The following ATF7IP variants were observed in gnomAD, a reference collection of about 807,000 sequenced individuals.
The protein encoded by ATF7IP is activating transcription factor 7-interacting protein 1.
In ATF7IP, 23 loss-of-function variants were observed where a neutral mutation model predicts 106.4. The observed-to-expected ratio is 0.22, with a 90% CI of 0.16 to 0.31. The LOEUF (loss-of-function observed/expected upper bound fraction) is 0.31. Among genes scored for constraint, ATF7IP ranks in the 10% least tolerant of loss-of-function variants. ATF7IP has a pLI of 1.00. For missense variants in ATF7IP, 1,334 were observed against 1,524.3 expected, an observed-to-expected ratio of 0.88 and a Z score of 2.08; for synonymous variants, 542 against 539.0, an observed-to-expected ratio of 1.01 and a Z score of -0.08.
chr12:14,491,268 G>C (rs1228729782), intron 13 of ATF7IP, among the ~76,000 whole-genome samples: 1 of 152,178 alleles, frequency 6.6e-6, no homozygotes, highest in African/African-American at 2.4e-5. Context: ...CCCACATGAG[G>C]AATGTGTTGC....
At chr12:14,438,338 T>G (rs1942514747) in intron 5 of ATF7IP, 71 bp downstream of exon 5, 1 of 1,320,668 alleles carries the variant, frequency 7.6e-7, no homozygotes, top group Non-Finnish European at 1.0e-6. Context: ...GAGATATATA[T>G]TTGAGATTAA....
chr12:14,373,872 GA>G (rs1332458941), intron 1 of ATF7IP, among the ~76,000 whole-genome samples: 1 of 151,806 alleles, frequency 6.6e-6, no homozygotes, highest in African/African-American at 2.4e-5. Flanking sequence ...GCTTGCCGTT[GA>G]AAACATTATG....
At chr12:14,473,949 T>C (rs1411275837) in intron 10 of ATF7IP, among the ~76,000 whole-genome samples, 2 of 152,072 alleles carry the variant, frequency 1.3e-5, no homozygotes, top group African/African-American at 4.8e-5. Flanking sequence ...AAATTTTTCA[T>C]TATTGGTTTT....
At chr12:14,421,652 T>C (rs1413700737) in intron 1 of ATF7IP, among the ~76,000 whole-genome samples, 1 of 152,182 alleles carries the variant, frequency 6.6e-6, no homozygotes, top group Non-Finnish European at 1.5e-5. Flanking sequence ...AAAGGCCCTA[T>C]CCGAATAAGG....
intron 11 of ATF7IP, among the ~76,000 whole-genome samples, chr12:14,477,739 T>A (rs1944306728): frequency 1.3e-5 from 2 of 152,212 alleles, no homozygotes; most frequent in Non-Finnish European, 2.9e-5. Context: ...TTATTTTGGA[T>A]AGAAGGACTT....
intron 14 of ATF7IP, 61 bp from the exon 15 acceptor site, chr12:14,497,593 C>A: frequency 6.7e-7 from 1 of 1,481,602 alleles, no homozygotes. Flanking sequence ...TGTTTTAATT[C>A]TAACATTCTA....
chr12:14,380,685 A>G (rs1433953390), intron 1 of ATF7IP, among the ~76,000 whole-genome samples: 1 of 152,188 alleles, frequency 6.6e-6, no homozygotes, highest in Non-Finnish European at 1.5e-5. Context: ...CACTGGCACA[A>G]TCTTGGCTCA....
chr12:14,483,462 G>A (rs2136822051), intron 13 of ATF7IP, among the ~76,000 whole-genome samples: 1 of 152,256 alleles, frequency 6.6e-6, no homozygotes, highest in South Asian at 2.1e-4. Flanking sequence ...AAGTGTCCAG[G>A]TGGCAATCTT....
chr12:14,478,254 G>T, intron 11 of ATF7IP, 63 bp from the exon 12 acceptor site: 2 of 1,538,974 alleles, frequency 1.3e-6, no homozygotes, highest in Non-Finnish European at 1.8e-6. Flanking sequence ...TGTCCATAGA[G>T]GAAAGACTTG....
intron 1 of ATF7IP, among the ~76,000 whole-genome samples, chr12:14,378,571 G>A (rs1367639872): frequency 6.6e-6 from 1 of 152,208 alleles, no homozygotes; most frequent in Non-Finnish European, 1.5e-5. Flanking sequence ...GATAGATTGA[G>A]ATGAAAGTAT....
chr12:14,499,651 A>G lies in ATF7IP; in HGVS notation c.*1578A>G, dbSNP rs1479317686. On this transcript the variant is annotated 3_prime_UTR_variant, in exon 15 of 15. Coordinates refer to ENST00000261168, the MANE Select transcript of ATF7IP (RefSeq NM_018179.5). ...CTGATGTACCCATTGTTAGCTTTGG[A>G]TAGAATTTAAAGTATATCCCAGAAT... 6.6e-6 allele frequency: 1 copy of G among 151,960 alleles called. No individual in the cohort carries two copies. Among genetic ancestry groups the G allele is most frequent in the Non-Finnish European group, 1.5e-5 (1 of 68,008 alleles). 9.4% of individuals were successfully genotyped at this position (151,960 alleles called of 1,614,324 possible).
intron 1 of ATF7IP, among the ~76,000 whole-genome samples, chr12:14,373,779 T>C (rs1165362203): frequency 6.6e-6 from 1 of 152,110 alleles, no homozygotes; most frequent in Non-Finnish European, 1.5e-5. Context: ...GAAATGGTAT[T>C]TTGGGGGTTT....
At chr12:14,464,842 G>A (rs1345395265) in intron 9 of ATF7IP, among the ~76,000 whole-genome samples, 3 of 152,204 alleles carry the variant, frequency 2.0e-5, no homozygotes, top group Non-Finnish European at 4.4e-5. Context: ...ACAAAGAAAT[G>A]TGTGTGTAAC....
At chr12:14,450,796 A>G in intron 6 of ATF7IP, among the ~76,000 whole-genome samples, 1 of 152,076 alleles carries the variant, frequency 6.6e-6, no homozygotes, top group East Asian at 1.9e-4. Flanking sequence ...AAAATTTATT[A>G]TTTATTAATG....
rs1262855886 is a variant in ATF7IP, at chr12:14,385,377, T to C, written c.-8+19550T>C. The C allele has an allele frequency of 1.4e-5, 21 of 1,533,844 alleles. No individual in the cohort carries two copies. In the East Asian group the frequency reaches 5.1e-4, roughly 38 times the overall value. Reference sequence around the variant, plus strand: ...GCAGCAAGTATGTCAGTGAGGAGACTTGTCACATGCATCAGGACCAGAGGT... The same window carrying C: ...GCAGCAAGTATGTCAGTGAGGAGACCTGTCACATGCATCAGGACCAGAGGT... On this transcript the variant is annotated intron_variant, in intron 1 of 14. Coordinates refer to ENST00000261168, the MANE Select transcript of ATF7IP (RefSeq NM_018179.5).
In ATF7IP at chr12:14,393,907, T is replaced by C. The variant is rs1296946771; in HGVS notation, c.-8+28080T>C. 2.0e-5 allele frequency among the ~76,000 whole-genome samples: 3 copies of C among 152,180 alleles called. No homozygotes were observed. In the East Asian group the frequency reaches 5.8e-4, roughly 29 times the overall value. ...GCAGATAATGACTCAACTCTTGCCT[T>C]GTCAGATCTGGCCAGTAAAAACAAT... On this transcript the variant is annotated intron_variant, in intron 1 of 14. Transcript: ENST00000261168.
chr12:14,411,807 T>C (rs1272674611), intron 1 of ATF7IP, among the ~76,000 whole-genome samples: 1 of 152,154 alleles, frequency 6.6e-6, no homozygotes, highest in Middle Eastern at 3.2e-3. Context: ...CTTTTTTTTT[T>C]TCCTTCTTCT....
At position 14,442,279 on chromosome 12, in the gene ATF7IP, A is replaced by C. The variant is rs1942748939; in HGVS notation, c.1929+4012A>C. ...TATCTACTTATTTTCAGTAGCATAC[A>C]AAATCAAATATCATTATGATTGTGC... On this transcript the variant is annotated intron_variant, in intron 5 of 14. Transcript: ENST00000261168. 2.6e-5 allele frequency among the ~76,000 whole-genome samples: 4 copies of C among 152,230 alleles called. No individual in the cohort carries two copies. The South Asian group carries it at 8.3e-4, about 32-fold the overall frequency.
rs767375226 is a variant in ATF7IP, at chr12:14,502,130, G to T, written c.*4057G>T. 2 of 152,138 alleles carry T rather than the reference G, an allele frequency of 1.3e-5. No individual in the cohort carries two copies. The highest frequency in any genetic ancestry group is 6.5e-5 in the Admixed American group (1 of 15,272). 9.4% of individuals were successfully genotyped at this position (152,138 alleles called of 1,614,324 possible). ...TTTGTTGTTTTATCACTGACCTGTGGTTGGCCTGTTTTATTCTAATTTCCA... is the reference window on the plus strand; with the variant it reads ...TTTGTTGTTTTATCACTGACCTGTGTTTGGCCTGTTTTATTCTAATTTCCA... On this transcript the variant is annotated 3_prime_UTR_variant, in exon 15 of 15. Transcript: ENST00000261168.
Sources: allele counts gnomAD v4.1 joint callset (sites outside exome capture counted in the v4.1 genomes callset), GRCh38; gene constraint gnomAD v4.1.1; transcripts MANE v1.5; gene names NCBI Gene and HGNC (gene_info 2026-07-23, HGNC 2026-07-21).